SCIN: variants seen among roughly 807,000 people sequenced by gnomAD.
SCIN encodes the protein scinderin, also known as adseverin.
SCIN carries 91 observed loss-of-function variants against 91.8 expected under a neutral mutation model. The ratio of observed to expected loss-of-function variants is 0.99; its 90% CI spans 0.84 to 1.18. The LOEUF is 1.18. Among genes scored for constraint, SCIN ranks in the 50% most tolerant of loss-of-function variants. The pLI is 0.00. For missense variants in SCIN, 1,087 were observed against 863.9 expected, an observed-to-expected ratio of 1.26 and a Z score of -3.24; for synonymous variants, 367 against 312.6, an observed-to-expected ratio of 1.17 and a Z score of -1.84.
intron 3 of SCIN, 125 bp from the exon 4 acceptor site, chr7:12,604,389 G>T (rs577178761): frequency 1.3e-6 from 1 of 795,270 alleles, no homozygotes; most frequent in East Asian, 2.7e-5. Flanking sequence ...TAACAATTAT[G>T]TATATACCTC....
At position 12,588,813 on chromosome 7, in the gene SCIN, GGGGGGGGGT is replaced by G. The variant is rs1782648528; in HGVS notation, c.516+7594_516+7602del. The G allele has an allele frequency of 6.5e-5, 5 of 77,058 alleles. 1 individual carries two copies. The highest frequency in any genetic ancestry group is 7.7e-5 in the Non-Finnish European group (3 of 38,850). The allele number at this position is 77,058 out of a possible 1,614,324, so 4.8% of individuals were successfully genotyped here. On this transcript the variant is annotated intron_variant, in intron 3 of 15. Transcript: ENST00000297029. ...TAAGGGACAGCTGCATTGGGTGGGGGGGGGGGGGTGCGGGGGCGGGTGGGAAGGGGGAGG... is the reference window on the plus strand; with the variant it reads ...TAAGGGACAGCTGCATTGGGTGGGGGGCGGGGGCGGGTGGGAAGGGGGAGG...
intron 5 of SCIN, among the ~76,000 whole-genome samples, chr7:12,623,224 C>A (rs1783446552): frequency 6.6e-6 from 1 of 152,096 alleles, no homozygotes; most frequent in Non-Finnish European, 1.5e-5. Flanking sequence ...ATTTTATCAG[C>A]TTTTTCTTAT....
At chr7:12,644,473 T>C (rs989929993) in intron 12 of SCIN, 111 bp from the exon 13 acceptor site, 4 of 1,489,402 alleles carry the variant, frequency 2.7e-6, no homozygotes, top group African/African-American at 1.4e-5. Flanking sequence ...CTGATTTCTT[T>C]AAGTAATTTC....
chr7:12,625,791 G>C lies in SCIN; in HGVS notation c.922G>C (p.Ala308Pro). ...GKDANPQERK[A>P]AMKTAEEFLQ... ...AGATGCTAATCCCCAAGAGAGGAAGGCTGCAATGAAGACAGCTGAAGAATT... is the reference window on the plus strand; with the variant it reads ...AGATGCTAATCCCCAAGAGAGGAAGCCTGCAATGAAGACAGCTGAAGAATT... The change falls in exon 7 of 16, where the codon GCT becomes CCT. Residue 308 changes from alanine to proline, a missense_variant. Ala to Pro is a conservative substitution (Grantham distance 27). Transcript: ENST00000297029. 6.2e-7 allele frequency: 1 copy of C among 1,612,236 alleles called. No homozygotes were observed. Among genetic ancestry groups the C allele is most frequent in the South Asian group, 1.1e-5 (1 of 90,874 alleles).
chr7:12,593,408 G>A (rs1401498579), intron 3 of SCIN, among the ~76,000 whole-genome samples: 5 of 152,168 alleles, frequency 3.3e-5, no homozygotes, highest in Admixed American at 3.3e-4. Flanking sequence ...TGTGCCGGAT[G>A]TCAGGGGCAG....
intron 3 of SCIN, among the ~76,000 whole-genome samples, chr7:12,591,569 G>A (rs1782722980): frequency 1.3e-5 from 2 of 152,294 alleles, no homozygotes; most frequent in South Asian, 4.1e-4. Flanking sequence ...ATCAGGTAAG[G>A]ACGGAGCTGA....
intron 2 of SCIN, among the ~76,000 whole-genome samples, chr7:12,578,678 G>A (rs953642497): frequency 6.6e-6 from 1 of 151,834 alleles, no homozygotes; most frequent in Non-Finnish European, 1.5e-5. Context: ...TATAATTTTA[G>A]TAACTGTAAA....
intron 4 of SCIN, among the ~76,000 whole-genome samples, chr7:12,607,523 A>G (rs376770075): frequency 6.6e-6 from 1 of 152,222 alleles, no homozygotes. Context: ...AATATTAGTG[A>G]TAAGGATAAA....
Position 12,588,628 on chromosome 7 carries a change from A to C in SCIN, c.516+7407A>C, listed in dbSNP as rs115369028. 3.3e-3 allele frequency among the ~76,000 whole-genome samples: 500 copies of C among 151,902 alleles called. 1 individual carries two copies. The highest frequency in any genetic ancestry group is 0.011 in the African/African-American group (468 of 41,380). Reference sequence around the variant, plus strand: ...TAACCTTACCACATATCATCTCGTGACCAGGTTACAATATAGGAATTTACA... The same window carrying C: ...TAACCTTACCACATATCATCTCGTGCCCAGGTTACAATATAGGAATTTACA... On this transcript the variant is annotated intron_variant, in intron 3 of 15. Transcript: ENST00000297029.
chr7:12,652,320 T>A (rs1784095465), intron 15 of SCIN, among the ~76,000 whole-genome samples: 1 of 150,440 alleles, frequency 6.6e-6, no homozygotes, highest in South Asian at 2.1e-4. Flanking sequence ...CTTGGAATTC[T>A]TTCAGGCATT....
At chr7:12,603,488 T>C (rs1783002419) in intron 3 of SCIN, among the ~76,000 whole-genome samples, 1 of 152,046 alleles carries the variant, frequency 6.6e-6, no homozygotes, top group South Asian at 2.1e-4. Flanking sequence ...AAAACCTGTG[T>C]CAGTTTATAC....
intron 9 of SCIN, among the ~76,000 whole-genome samples, chr7:12,629,942 A>G (rs1783608046): frequency 6.6e-6 from 1 of 152,098 alleles, no homozygotes; most frequent in South Asian, 2.1e-4. Context: ...GAATATTGCT[A>G]AGACGGCTGG....
intron 13 of SCIN, among the ~76,000 whole-genome samples, chr7:12,645,046 G>A (rs1343534089): frequency 3.4e-5 from 5 of 146,328 alleles, no homozygotes; most frequent in Non-Finnish European, 7.5e-5. Flanking sequence ...AGGGCCGGGC[G>A]CGGTGGCTCA....
intron 3 of SCIN, among the ~76,000 whole-genome samples, chr7:12,594,361 T>C (rs1033552682): frequency 6.6e-6 from 1 of 151,256 alleles, no homozygotes; most frequent in Non-Finnish European, 1.5e-5. Context: ...AGCTGGTGAG[T>C]AGGATTTGGA....
chr7:12,636,383 A>G (rs901175365), intron 10 of SCIN, among the ~76,000 whole-genome samples: 5 of 152,220 alleles, frequency 3.3e-5, no homozygotes, highest in East Asian at 1.9e-4. Flanking sequence ...AATCTTCCCA[A>G]TAGAATCACA....
intron 11 of SCIN, among the ~76,000 whole-genome samples, chr7:12,642,311 A>C (rs1174006856): frequency 1.3e-5 from 2 of 151,906 alleles, no homozygotes; most frequent in African/African-American, 2.4e-5. Context: ...CTATTTCATC[A>C]TGATTGCAGG....
intron 8 of SCIN, among the ~76,000 whole-genome samples, chr7:12,628,850 A>C (rs2115278047): frequency 6.6e-6 from 1 of 152,322 alleles, no homozygotes; most frequent in East Asian, 1.9e-4. Flanking sequence ...TGAAACAATA[A>C]GTATTTATTA....
At chr7:12,632,635 A>T (rs1044097013) in intron 9 of SCIN, among the ~76,000 whole-genome samples, 5 of 152,208 alleles carry the variant, frequency 3.3e-5, no homozygotes, top group Admixed American at 3.3e-4. Flanking sequence ...AAAACTGTTA[A>T]TGGGGAATGG....
At chr7:12,584,211 A>G (rs1220491673) in intron 3 of SCIN, among the ~76,000 whole-genome samples, 1 of 152,218 alleles carries the variant, frequency 6.6e-6, no homozygotes, top group East Asian at 1.9e-4. Context: ...TTTCTGTACC[A>G]TAATATTTTA....
Sources: allele counts gnomAD v4.1 joint callset (sites outside exome capture counted in the v4.1 genomes callset), GRCh38; gene constraint gnomAD v4.1.1; transcripts MANE v1.5; gene names NCBI Gene and HGNC (gene_info 2026-07-23, HGNC 2026-07-21).